Variants in ANKRD30B observed in about 807,000 individuals in gnomAD.
The protein encoded by ANKRD30B is ankyrin repeat domain-containing protein 30B.
ANKRD30B carries 144 observed loss-of-function variants against 202.2 expected under a neutral mutation model. That is an observed-to-expected ratio of 0.71 (90% CI 0.62 to 0.82). The LOEUF (loss-of-function observed/expected upper bound fraction) is 0.82. Among genes scored for constraint, ANKRD30B ranks in the 40% least tolerant of loss-of-function variants. The probability of loss-of-function intolerance (pLI) is 0.00; values close to 1 mark genes in which losing one functional copy is unlikely to be tolerated. For synonymous variants in ANKRD30B, 508 were observed against 561.3 expected (o/e 0.91, Z 1.34); for missense variants, 1,487 against 1,669.1 (o/e 0.89, Z 1.90).
At chr18:14,912,303 G>GT in the ANKRD30B span, among the ~76,000 whole-genome samples, 2 of 152,038 alleles carry the variant, frequency 1.3e-5, no homozygotes, top group South Asian at 4.1e-4. Flanking sequence ...TCTATGCCTA[G>GT]TTTTTTTGAG....
At chr18:14,910,760 C>A in the ANKRD30B span, among the ~76,000 whole-genome samples, 1 of 152,088 alleles carries the variant, frequency 6.6e-6, no homozygotes, top group Non-Finnish European at 1.5e-5. Flanking sequence ...TATAAGTGTT[C>A]TCTTTTCCCT....
chr18:14,930,478 G>T, the ANKRD30B span, among the ~76,000 whole-genome samples: 1 of 152,164 alleles, frequency 6.6e-6, no homozygotes, highest in South Asian at 2.1e-4. Context: ...CTCCATCCCT[G>T]TAAGAAAACT....
In ANKRD30B at chr18:14,754,908, A is replaced by G. The variant is rs1310030711; in HGVS notation, c.520A>G (p.Thr174Ala). Residue 174 changes from threonine (T) to alanine (A), a missense_variant, in exon 4 of 44, where the codon ACA (threonine) becomes GCA (alanine). By Grantham distance (58) the Thr-to-Ala change is moderately conservative. Transcript: ENST00000690538. ...TTCTGCTATTTTACAGGCTAGCCTCACACCCCTTTTACTGGCCATACAGAA... is the reference window on the plus strand; with the variant it reads ...TTCTGCTATTTTACAGGCTAGCCTCGCACCCCTTTTACTGGCCATACAGAA... The part of the protein sequence containing the change: ...VIEVQNKASL[T>A]PLLLAIQKRS... 11 of 1,537,452 alleles carry G rather than the reference A, an allele frequency of 7.2e-6. No individual in the cohort carries two copies. Among genetic ancestry groups the G allele is most frequent in the Non-Finnish European group, 9.6e-6 (11 of 1,144,608 alleles).
the ANKRD30B span, among the ~76,000 whole-genome samples, chr18:14,924,305 C>G: frequency 6.6e-6 from 1 of 152,248 alleles, no homozygotes; most frequent in African/African-American, 2.4e-5. Flanking sequence ...CACAGAGTTC[C>G]TTTCCCTGGC....
intron 40 of ANKRD30B, among the ~76,000 whole-genome samples, chr18:14,849,408 C>A (rs12457328): frequency 5.9e-5 from 9 of 151,278 alleles, no homozygotes; most frequent in African/African-American, 2.2e-4. Context: ...CAGTGTGAAA[C>A]GGCCATTCTT....
the ANKRD30B span, among the ~76,000 whole-genome samples, chr18:14,864,986 G>C: frequency 2.0e-5 from 3 of 150,964 alleles, no homozygotes; most frequent in Non-Finnish European, 4.4e-5. Flanking sequence ...TCTTTCCTCT[G>C]TCCTGCTTGC....
chr18:14,890,369 G>A, the ANKRD30B span, among the ~76,000 whole-genome samples: 1 of 151,406 alleles, frequency 6.6e-6, no homozygotes, highest in African/African-American at 2.4e-5. Context: ...TTATTCTCTA[G>A]AATTAAATTT....
the ANKRD30B span, among the ~76,000 whole-genome samples, chr18:14,933,563 C>T: frequency 2.0e-5 from 3 of 152,194 alleles, no homozygotes; most frequent in Admixed American, 1.3e-4. Flanking sequence ...AGGTGGATCC[C>T]GGGACCAGGA....
chr18:14,821,786 G>A (rs1249708093), intron 30 of ANKRD30B, among the ~76,000 whole-genome samples: 2 of 152,180 alleles, frequency 1.3e-5, no homozygotes, highest in Admixed American at 6.5e-5. Context: ...GGTATGCTTT[G>A]ACTTTTCTGT....
At chr18:14,908,754 A>G in the ANKRD30B span, among the ~76,000 whole-genome samples, 5 of 152,118 alleles carry the variant, frequency 3.3e-5, no homozygotes, top group Admixed American at 3.3e-4. Flanking sequence ...GGAGGGGCCA[A>G]TGCTGGGAGA....
chr18:14,885,199 A>G, the ANKRD30B span, among the ~76,000 whole-genome samples: 3 of 152,020 alleles, frequency 2.0e-5, no homozygotes, highest in Non-Finnish European at 4.4e-5. Flanking sequence ...TATCACTCCT[A>G]TGCATGGTGA....
At chr18:14,899,168 G>T in the ANKRD30B span, among the ~76,000 whole-genome samples, 304 of 151,998 alleles carry the variant, frequency 2.0e-3, 3 homozygotes, top group African/African-American at 6.9e-3. Context: ...ATTTTTCAAG[G>T]TTATATTATA....
At chr18:14,914,824 C>G in the ANKRD30B span, among the ~76,000 whole-genome samples, 25 of 152,018 alleles carry the variant, frequency 1.6e-4, no homozygotes, top group Non-Finnish European at 7.4e-5. Flanking sequence ...TTGAAACATC[C>G]AGGAAGATAA....
chr18:14,913,149 C>T, the ANKRD30B span, among the ~76,000 whole-genome samples: 1 of 152,214 alleles, frequency 6.6e-6, no homozygotes, highest in Non-Finnish European at 1.5e-5. Context: ...GAATCTGTGG[C>T]CCTTTAATGC....
At chr18:14,796,704 T>C (rs1968922451) in intron 18 of ANKRD30B, among the ~76,000 whole-genome samples, 1 of 150,772 alleles carries the variant, frequency 6.6e-6, no homozygotes, top group Non-Finnish European at 1.5e-5. Flanking sequence ...TGAGACATAA[T>C]AGACACAGAC....
At chr18:14,766,271 G>T (rs1916121839) in intron 7 of ANKRD30B, among the ~76,000 whole-genome samples, 1 of 151,768 alleles carries the variant, frequency 6.6e-6, no homozygotes, top group Admixed American at 6.6e-5. Flanking sequence ...AGGAGATGGA[G>T]ACCATCCTGG....
the ANKRD30B span, among the ~76,000 whole-genome samples, chr18:14,922,747 G>A: frequency 6.6e-6 from 1 of 152,124 alleles, no homozygotes; most frequent in East Asian, 1.9e-4. Flanking sequence ...GCTCAGAACT[G>A]GTGGATAAGA....
chr18:14,765,229 G>C (rs887231900), intron 7 of ANKRD30B, among the ~76,000 whole-genome samples: 1 of 152,148 alleles, frequency 6.6e-6, no homozygotes, highest in Non-Finnish European at 1.5e-5. Context: ...GGGAGGCTGA[G>C]GCATGTGGAT....
At chr18:14,887,733 T>G in the ANKRD30B span, among the ~76,000 whole-genome samples, 1 of 152,086 alleles carries the variant, frequency 6.6e-6, no homozygotes, top group Non-Finnish European at 1.5e-5. Flanking sequence ...ATTAAAGTTT[T>G]TTAATAAATA....
Sources: allele counts gnomAD v4.1 joint callset (sites outside exome capture counted in the v4.1 genomes callset), GRCh38; gene constraint gnomAD v4.1.1; transcripts MANE v1.5; gene names NCBI Gene and HGNC (gene_info 2026-07-23, HGNC 2026-07-21).